The following SIK3 variants were observed in gnomAD, a reference collection of about 807,000 sequenced individuals.
SIK3 encodes serine/threonine-protein kinase SIK3.
Under a neutral mutation model 144.2 loss-of-function variants are expected in SIK3, and 28 were observed. The observed-to-expected ratio is 0.19, with a 90% CI of 0.14 to 0.27. The LOEUF (loss-of-function observed/expected upper bound fraction) is 0.27, where lower values mean the gene tolerates loss of function less well. Ranked by LOEUF, SIK3 falls within the 10% of genes least tolerant of loss-of-function variation. SIK3 has a pLI of 1.00. For missense variants in SIK3, 1,319 were observed against 1,776.0 expected (o/e 0.74, Z 4.62); for synonymous variants, 686 against 676.3 (o/e 1.01, Z -0.22).
intron 1 of SIK3, among the ~76,000 whole-genome samples, chr11:116,961,196 C>T (rs7112967): frequency 0.16 from 23,920 of 152,194 alleles, 1,970 homozygotes; most frequent in Admixed American, 0.21. Context: ...CCCTTGCCAA[C>T]CCTACCTACT....
chr11:117,002,408 G>A (rs1950888399), intron 1 of SIK3, among the ~76,000 whole-genome samples: 1 of 135,526 alleles, frequency 7.4e-6, no homozygotes, highest in African/African-American at 3.3e-5. Flanking sequence ...ACACCCTTAA[G>A]GGACAGCCCT....
At chr11:116,868,229 C>A (rs2134481923) in intron 14 of SIK3, 140 bp from the exon 15 acceptor site, 1 of 1,103,352 alleles carries the variant, frequency 9.1e-7, no homozygotes. Context: ...CAGATCCCTG[C>A]CTGGATGGAA....
intron 1 of SIK3, among the ~76,000 whole-genome samples, chr11:117,064,796 A>C (rs1565609068): frequency 6.6e-6 from 1 of 152,182 alleles, no homozygotes; most frequent in Admixed American, 6.6e-5. Context: ...TCTGAACTGC[A>C]CTTGACTTTT....
At chr11:117,013,967 C>CTTT (rs1951406146) in intron 1 of SIK3, among the ~76,000 whole-genome samples, 12 of 7,370 alleles carry the variant, frequency 1.6e-3, no homozygotes, top group African/African-American at 2.9e-3. Flanking sequence ...TTCTTTTTTT[C>CTTT]TTTTCTTTTT....
chr11:116,986,540 G>C (rs563549666), intron 1 of SIK3, among the ~76,000 whole-genome samples: 1 of 152,266 alleles, frequency 6.6e-6, no homozygotes, highest in African/African-American at 2.4e-5. Flanking sequence ...TTAGCTTTGA[G>C]CTTAACAGAG....
At chr11:117,016,344 A>AGGAGGGAG (rs369358544) in intron 1 of SIK3, among the ~76,000 whole-genome samples, 2 of 98,610 alleles carry the variant, frequency 2.0e-5, no homozygotes, top group African/African-American at 8.5e-5. Context: ...GAAGGAAGGA[A>AGGAGGGAG]GGAGGGAGGG....
intron 1 of SIK3, among the ~76,000 whole-genome samples, chr11:117,050,115 C>T (rs1346667335): frequency 6.6e-6 from 1 of 152,236 alleles, no homozygotes; most frequent in Non-Finnish European, 1.5e-5. Context: ...CATGGCAAAA[C>T]CTTGTCTCTT....
chr11:117,020,586 T>C (rs948457148), intron 1 of SIK3, among the ~76,000 whole-genome samples: 3 of 152,082 alleles, frequency 2.0e-5, no homozygotes, highest in African/African-American at 7.2e-5. Context: ...GTTGCACTGA[T>C]AACCAATGGC....
At chr11:117,085,185 T>C (rs1376684157) in intron 1 of SIK3, among the ~76,000 whole-genome samples, 4 of 152,070 alleles carry the variant, frequency 2.6e-5, no homozygotes, top group African/African-American at 4.8e-5. Flanking sequence ...AACCATAGTT[T>C]ACTGCACTGT....
At chr11:117,004,197 T>C (rs770659151) in intron 1 of SIK3, among the ~76,000 whole-genome samples, 6 of 152,188 alleles carry the variant, frequency 3.9e-5, no homozygotes, top group Non-Finnish European at 8.8e-5. Context: ...TCAATGAATC[T>C]ACCTTTAGGA....
chr11:116,876,678 G>A (rs908085749), intron 7 of SIK3, among the ~76,000 whole-genome samples: 4 of 152,220 alleles, frequency 2.6e-5, no homozygotes, highest in African/African-American at 9.6e-5. Flanking sequence ...ACTGCAGGCT[G>A]TGCTATCTCA....
At chr11:117,081,439 C>T (rs1483073741) in intron 1 of SIK3, among the ~76,000 whole-genome samples, 6 of 152,012 alleles carry the variant, frequency 3.9e-5, no homozygotes, top group African/African-American at 1.4e-4. Context: ...CTGGCTAACA[C>T]GGTGAAACCC....
At chr11:116,911,361 G>C (rs1946334320) in intron 4 of SIK3, among the ~76,000 whole-genome samples, 1 of 152,054 alleles carries the variant, frequency 6.6e-6, no homozygotes, top group Non-Finnish European at 1.5e-5. Context: ...TACAAAATTA[G>C]CTGGGTGTGG....
chr11:117,072,735 A>G (rs906325092), intron 1 of SIK3, among the ~76,000 whole-genome samples: 3 of 152,256 alleles, frequency 2.0e-5, no homozygotes, highest in Non-Finnish European at 4.4e-5. Context: ...GTAACCCAGC[A>G]GAAAGCCAGT....
Position 117,075,702 on chromosome 11 carries a change from T to C in SIK3, c.273+22441A>G, listed in dbSNP as rs920593257. Among the ~76,000 whole-genome samples, 4 of 151,330 alleles carry C rather than the reference T, an allele frequency of 2.6e-5. No homozygotes were observed. In the South Asian group the frequency reaches 6.2e-4, roughly 24 times the overall value. On this transcript the variant is annotated intron_variant, in intron 1 of 24. Coordinates refer to ENST00000445177, the MANE Select transcript of SIK3 (RefSeq NM_001366686.3). ...GACTACAGGTGCCCGCCACCACACCTGGCTAATTTTTTTTTTATTTTTAGT... is the reference window on the plus strand; with the variant it reads ...GACTACAGGTGCCCGCCACCACACCCGGCTAATTTTTTTTTTATTTTTAGT...
chr11:117,058,762 A>G (rs763482044), intron 1 of SIK3, among the ~76,000 whole-genome samples: 6 of 152,208 alleles, frequency 3.9e-5, no homozygotes, highest in Non-Finnish European at 8.8e-5. Context: ...AAAGAGAATA[A>G]TAAGCACAGA....
At chr11:116,871,287 T>TACAAA (rs10658918) in intron 13 of SIK3, among the ~76,000 whole-genome samples, 12,444 of 152,010 alleles carry the variant, frequency 0.082, 1,651 homozygotes, top group African/African-American at 0.28. Context: ...AATGGCTAAT[T>TACAAA]ACAAAACAAA....
chr11:116,954,157 AT>A, intron 2 of SIK3, 50 bp from the exon 3 acceptor site: 1 of 1,470,606 alleles, frequency 6.8e-7, no homozygotes, highest in Non-Finnish European at 9.5e-7. Flanking sequence ...TGACAGGCTG[AT>A]ACAGGAAGAT....
intron 6 of SIK3, among the ~76,000 whole-genome samples, chr11:116,881,959 T>C (rs2134622298): frequency 7.8e-6 from 1 of 127,484 alleles, no homozygotes; most frequent in East Asian, 2.5e-4. Flanking sequence ...CAAAGCAGAA[T>C]ACAAATTCTG....
Sources: gnomAD v4.1 joint callset for allele counts (sites outside exome capture counted in the v4.1 genomes callset) on GRCh38, gnomAD v4.1.1 for gene constraint, MANE v1.5 for transcripts, NCBI Gene and HGNC (gene_info 2026-07-23, HGNC 2026-07-21) for gene names.